VAV1: variants seen among roughly 807,000 people sequenced by gnomAD.
VAV1 encodes proto-oncogene vav.
VAV1 carries 33 observed loss-of-function variants against 128.1 expected under a neutral mutation model. The observed-to-expected ratio is 0.26, with a 90% CI of 0.20 to 0.34. The LOEUF is 0.34. VAV1 is among the 10% of genes least tolerant of loss of function. The probability of loss-of-function intolerance (pLI) is 1.00; values close to 1 mark genes in which losing one functional copy is unlikely to be tolerated. For synonymous variants in VAV1, 394 were observed against 409.8 expected, an observed-to-expected ratio of 0.96 and a Z score of 0.47; for missense variants, 715 against 1,093.7, an observed-to-expected ratio of 0.65 and a Z score of 4.88.
At chr19:6,823,376 C>T (rs1485739625) in intron 6 of VAV1, among the ~76,000 whole-genome samples, 3 of 151,350 alleles carry the variant, frequency 2.0e-5, no homozygotes, top group African/African-American at 7.3e-5. Context: ...CTGCCCACCT[C>T]GGCCTCCAAA....
chr19:6,816,173 C>A (rs991056184), intron 1 of VAV1, among the ~76,000 whole-genome samples: 1 of 152,050 alleles, frequency 6.6e-6, no homozygotes, highest in Non-Finnish European at 1.5e-5. Context: ...GCGCACACCA[C>A]CACGCCCAGC....
chr19:6,804,796 T>C (rs1022520935), intron 1 of VAV1, among the ~76,000 whole-genome samples: 4 of 150,014 alleles, frequency 2.7e-5, no homozygotes, highest in South Asian at 2.1e-4. Context: ...CAATCTTGGC[T>C]CACTGCAAGC....
At chr19:6,797,658 G>A (rs1461455506) in intron 1 of VAV1, among the ~76,000 whole-genome samples, 1 of 150,974 alleles carries the variant, frequency 6.6e-6, no homozygotes, top group Admixed American at 6.6e-5. Context: ...AGCCGAGATC[G>A]TGCCATTGCA....
At chr19:6,849,102 C>T (rs1020557527) in intron 23 of VAV1, among the ~76,000 whole-genome samples, 1 of 148,556 alleles carries the variant, frequency 6.7e-6, no homozygotes, top group Non-Finnish European at 1.5e-5. Flanking sequence ...TTTTTTTTTT[C>T]AACTTATTTT....
intron 21 of VAV1, among the ~76,000 whole-genome samples, chr19:6,840,997 C>T (rs186696387): frequency 9.9e-4 from 150 of 152,094 alleles, no homozygotes; most frequent in Non-Finnish European, 6.5e-4. Flanking sequence ...AGGCTGGTCT[C>T]GAACTCCTGA....
intron 24 of VAV1, 152 bp from the exon 25 acceptor site, chr19:6,852,813 C>T (rs1972700993): frequency 1.8e-6 from 1 of 554,730 alleles, no homozygotes; most frequent in East Asian, 3.2e-5. Flanking sequence ...GTGATGAACT[C>T]CCCATCATGG....
intron 22 of VAV1, among the ~76,000 whole-genome samples, chr19:6,846,832 T>C (rs1972534788): frequency 6.8e-6 from 1 of 147,870 alleles, no homozygotes; most frequent in African/African-American, 2.5e-5. Flanking sequence ...GATTATATAT[T>C]ATTATATATA....
At chr19:6,855,661 A>T (rs1972776535) in intron 26 of VAV1, among the ~76,000 whole-genome samples, 1 of 151,706 alleles carries the variant, frequency 6.6e-6, no homozygotes, top group South Asian at 2.1e-4. Context: ...CCATGCATGC[A>T]CCCATCTGTT....
intron 1 of VAV1, among the ~76,000 whole-genome samples, chr19:6,805,629 CAT>C (rs886873819): frequency 2.0e-4 from 27 of 138,056 alleles, no homozygotes; most frequent in African/African-American, 3.3e-4. Flanking sequence ...CGCACACACA[CAT>C]GAGTTGGGGG....
At chr19:6,789,473 A>C (rs1970969091) in intron 1 of VAV1, among the ~76,000 whole-genome samples, 1 of 152,004 alleles carries the variant, frequency 6.6e-6, no homozygotes, top group South Asian at 2.1e-4. Context: ...GGATGGTCTC[A>C]ATTTCCTGAC....
intron 14 of VAV1, among the ~76,000 whole-genome samples, chr19:6,831,609 G>C (rs1972057614): frequency 6.6e-6 from 1 of 152,152 alleles, no homozygotes; most frequent in Admixed American, 6.5e-5. Context: ...ACCGCGCCCG[G>C]CTGGCTTCTC....
Position 6,779,584 on chromosome 19 carries a change from G to A in VAV1, c.204+6573G>A, listed in dbSNP as rs1466925275. ...TCTAAACCAGGGAGGGGCCTGGCTG[G>A]ATGCAGTGGTTCAGGCCTGTAATCC... On this transcript the variant is annotated intron_variant, in intron 1 of 26. Transcript: ENST00000602142. 1.3e-5 allele frequency among the ~76,000 whole-genome samples: 2 copies of A among 150,568 alleles called. 1 individual carries two copies. The highest frequency in any genetic ancestry group is 3.0e-5 in the Non-Finnish European group (2 of 67,260).
In VAV1 at chr19:6,822,586, T is replaced by C; in HGVS notation, c.654+72T>C. ...GGGCCGGCAGGTGCACGTCCACCTGTCCGGCCGCTCTGGGCAGCTGAGGAT... is the reference window on the plus strand; with the variant it reads ...GGGCCGGCAGGTGCACGTCCACCTGCCCGGCCGCTCTGGGCAGCTGAGGAT... On this transcript the variant is annotated intron_variant, in intron 6 of 26. Transcript: ENST00000602142. The surrounding 1 kb of genome is among the most constrained non-coding windows in gnomAD (Gnocchi z 5.9). 2 of 1,354,208 alleles carry C rather than the reference T, an allele frequency of 1.5e-6. No homozygotes were observed. Among genetic ancestry groups the C allele is most frequent in the Non-Finnish European group, 2.0e-6 (2 of 987,084 alleles). The allele number at this position is 1,354,208 out of a possible 1,614,324, so 83.9% of individuals were successfully genotyped here. A position where few individuals can be genotyped will look rare whatever the true frequency, so the allele number is the denominator to read the frequency against.
intron 25 of VAV1, among the ~76,000 whole-genome samples, chr19:6,853,348 C>A (rs1972713709): frequency 6.6e-6 from 1 of 151,816 alleles, no homozygotes; most frequent in Non-Finnish European, 1.5e-5. Flanking sequence ...TCCCTGCAAC[C>A]TTTGCCTCCC....
rs777610860 is a variant in VAV1 at position 6,828,574 on chromosome 19, C to G, written c.1093-48C>G. On this transcript the variant is annotated intron_variant, in intron 11 of 26. Coordinates refer to ENST00000602142, the MANE Select transcript of VAV1 (RefSeq NM_005428.4). This position sits in a 1 kb window ranked among gnomAD's most constrained non-coding sequence, Gnocchi z 4.5. ...TCCTCTAGCCGGGATTAGGTAGGAGCCTGGGTCGGCTGTTGGGGGGCCAGG... is the reference window on the plus strand; with the variant it reads ...TCCTCTAGCCGGGATTAGGTAGGAGGCTGGGTCGGCTGTTGGGGGGCCAGG... The G allele has an allele frequency of 3.7e-6, 6 of 1,613,648 alleles. No individual in the cohort carries two copies. In the African/African-American group the frequency reaches 8.0e-5, roughly 22 times the overall value.
intron 1 of VAV1, among the ~76,000 whole-genome samples, chr19:6,776,117 C>CATCCATCCATCCATCCA (rs139722302): frequency 5.4e-5 from 8 of 149,376 alleles, no homozygotes; most frequent in African/African-American, 2.0e-4. Context: ...TCCATCCATC[C>CATCCATCCATCCATCCA]ATCCATCTGC....
rs185005274 is a variant in VAV1, at chr19:6,773,063, C to T, written c.204+52C>T. On this transcript the variant is annotated intron_variant, in intron 1 of 26. Transcript: ENST00000602142. ...GAGGGTTGGAGACGGGGGTCCTCCC[C>T]GGGGCTGACAGTCGAGGGGCTGACG... 127 of 1,606,420 alleles carry T rather than the reference C, an allele frequency of 7.9e-5. No individual in the cohort carries two copies. The African/African-American group carries it at 1.4e-3, about 17-fold the overall frequency.
intron 1 of VAV1, among the ~76,000 whole-genome samples, chr19:6,803,824 CA>C (rs1199768355): frequency 6.6e-6 from 1 of 152,112 alleles, no homozygotes; most frequent in African/African-American, 2.4e-5. Flanking sequence ...GTCGGCCTCC[CA>C]AAGTGCTGAG....
intron 1 of VAV1, among the ~76,000 whole-genome samples, chr19:6,783,470 CTTTT>C (rs61101390): frequency 8.8e-6 from 1 of 113,830 alleles, no homozygotes. Context: ...CACCTCCATC[CTTTT>C]TTTTTTTTTT....
Sources: gnomAD v4.1 joint callset for allele counts (sites outside exome capture counted in the v4.1 genomes callset) on GRCh38, gnomAD v4.1.1 for gene constraint, Gnocchi (gnomAD v3.1) non-coding constraint, MANE v1.5 for transcripts, NCBI Gene and HGNC (gene_info 2026-07-23, HGNC 2026-07-21) for gene names.